The following DLGAP1 variants were observed in gnomAD, a reference collection of about 807,000 sequenced individuals.
DLGAP1 encodes the protein disks large-associated protein 1.
A neutral mutation model predicts 90.8 loss-of-function variants in DLGAP1; 11 were observed. The observed-to-expected ratio is 0.12, with a 90% CI of 0.08 to 0.20. DLGAP1 has a LOEUF of 0.20. Among genes scored for constraint, DLGAP1 ranks in the 10% least tolerant of loss-of-function variants. The pLI, the probability that DLGAP1 is intolerant of heterozygous loss-of-function variation, is 1.00. For missense variants in DLGAP1, 1,050 were observed against 1,333.8 expected (o/e 0.79, Z 3.31); for synonymous variants, 558 against 540.7 (o/e 1.03, Z -0.44).
chr18:3,765,391 A>G (rs1381160835), intron 5 of DLGAP1, among the ~76,000 whole-genome samples: 3 of 151,078 alleles, frequency 2.0e-5, no homozygotes, highest in Non-Finnish European at 3.0e-5. Context: ...TGGCCTCCCA[A>G]AGTGCTGGGA....
intron 1 of DLGAP1, among the ~76,000 whole-genome samples, chr18:4,306,329 C>T (rs1838448193): frequency 6.6e-6 from 1 of 151,830 alleles, no homozygotes; most frequent in Non-Finnish European, 1.5e-5. Context: ...AAGGAAGACC[C>T]ATGCTTTACT....
chr18:4,246,964 G>A (rs1374498930), intron 1 of DLGAP1, among the ~76,000 whole-genome samples: 1 of 152,132 alleles, frequency 6.6e-6, no homozygotes, highest in Non-Finnish European at 1.5e-5. Context: ...TGAGAGATAA[G>A]CTCTCTTATT....
At chr18:3,964,918 C>G (rs1599232207) in intron 3 of DLGAP1, among the ~76,000 whole-genome samples, 3 of 152,126 alleles carry the variant, frequency 2.0e-5, no homozygotes, top group Admixed American at 2.0e-4. Context: ...CTCTTGCATG[C>G]TTATAAAAGA....
At position 4,107,446 on chromosome 18, in the gene DLGAP1, C is replaced by T. The variant is rs58576739; in HGVS notation, c.-159+43734G>A. Among the ~76,000 whole-genome samples, 1,046 of 152,302 alleles carry T rather than the reference C, an allele frequency of 6.9e-3. 13 individuals are homozygous for T. The highest frequency in any genetic ancestry group is 0.024 in the African/African-American group (1,010 of 41,554). The stretch of plus-strand genomic sequence containing the variant: ...TGGCTCCCCTTTCCCTATCCTGCTT[C>T]CCAATGTACTTGTTCCCCATGACCC... On this transcript the variant is annotated intron_variant, in intron 2 of 12. Transcript: ENST00000315677.
chr18:4,267,525 A>T (rs1416571914), intron 1 of DLGAP1, among the ~76,000 whole-genome samples: 1 of 152,090 alleles, frequency 6.6e-6, no homozygotes, highest in Non-Finnish European at 1.5e-5. Context: ...AGTAATCATA[A>T]AATCTCATCT....
At chr18:3,745,264 ATTAG>A (rs1208078276) in intron 5 of DLGAP1, among the ~76,000 whole-genome samples, 2 of 152,234 alleles carry the variant, frequency 1.3e-5, no homozygotes, top group South Asian at 2.1e-4. Flanking sequence ...CAGTTCTAAA[ATTAG>A]TTATAGTGTT....
At position 3,803,957 on chromosome 18, in the gene DLGAP1, CATATATATATATATATATAT is replaced by C. The variant is rs33952757; in HGVS notation, c.1172+10082_1172+10101del. 3.3e-3 allele frequency among the ~76,000 whole-genome samples: 276 copies of C among 84,018 alleles called. 2 individuals are homozygous for C. Among genetic ancestry groups the C allele is most frequent in the Middle Eastern group, 0.015 (2 of 130 alleles). The allele number at this position is 84,018 out of a possible 152,430, so 55.1% of individuals were successfully genotyped here. On this transcript the variant is annotated intron_variant, in intron 5 of 12. Coordinates refer to ENST00000315677, the MANE Select transcript of DLGAP1 (RefSeq NM_004746.4). ...TTCTCTTCATTGGTTTATGTAGGTT[CATATATATATATATATATAT>C]ATATATATATATATATATATATATA...
At chr18:4,188,377 T>A (rs949253829) in intron 1 of DLGAP1, among the ~76,000 whole-genome samples, 1 of 152,134 alleles carries the variant, frequency 6.6e-6, no homozygotes, top group Non-Finnish European at 1.5e-5. Flanking sequence ...TAGGTATACG[T>A]TGTGCCATGG....
intron 1 of DLGAP1, among the ~76,000 whole-genome samples, chr18:4,260,375 G>A (rs113647174): frequency 6.6e-6 from 1 of 152,228 alleles, no homozygotes; most frequent in East Asian, 1.9e-4. Context: ...CCCAACCTGC[G>A]GAAGTATAAG....
chr18:4,170,693 A>G (rs371219735), intron 1 of DLGAP1, among the ~76,000 whole-genome samples: 11 of 152,348 alleles, frequency 7.2e-5, no homozygotes, highest in African/African-American at 2.6e-4. Flanking sequence ...GAGTGAAGCT[A>G]TCTATTAATA....
At chr18:3,534,693 T>TC (rs1568148732) in intron 9 of DLGAP1, 78 bp from the exon 10 acceptor site, 11 of 1,191,484 alleles carry the variant, frequency 9.2e-6, no homozygotes, top group Admixed American at 3.1e-5. Flanking sequence ...TTCCTTTCTT[T>TC]CTTTTTTTTT....
intron 1 of DLGAP1, among the ~76,000 whole-genome samples, chr18:4,432,761 T>C (rs1483967487): frequency 1.3e-5 from 2 of 152,100 alleles, no homozygotes; most frequent in Non-Finnish European, 2.9e-5. Context: ...CACCTCCCTA[T>C]TGCACTCCCC....
intron 9 of DLGAP1, among the ~76,000 whole-genome samples, chr18:3,555,710 T>C (rs893691178): frequency 6.6e-6 from 1 of 152,102 alleles, no homozygotes; most frequent in Non-Finnish European, 1.5e-5. Flanking sequence ...CTTAGGAGGC[T>C]GAGGCAGGAG....
intron 9 of DLGAP1, among the ~76,000 whole-genome samples, chr18:3,554,271 C>T (rs966384659): frequency 3.9e-5 from 6 of 152,162 alleles, no homozygotes; most frequent in African/African-American, 1.4e-4. Flanking sequence ...GGAGATGTTG[C>T]CAAGATTTGC....
intron 1 of DLGAP1, among the ~76,000 whole-genome samples, chr18:4,347,171 G>T (rs1356070714): frequency 6.6e-6 from 1 of 152,072 alleles, no homozygotes; most frequent in African/African-American, 2.4e-5. Context: ...AGTTTAAAGA[G>T]ATCAATTTCC....
intron 5 of DLGAP1, among the ~76,000 whole-genome samples, chr18:3,812,373 A>AT (rs199630283): frequency 0.038 from 5,659 of 146,996 alleles, 122 homozygotes; most frequent in South Asian, 0.074. Flanking sequence ...ATTTCCACGA[A>AT]TTTTTTTTTT....
At chr18:3,903,751 A>T (rs1019524680) in intron 3 of DLGAP1, among the ~76,000 whole-genome samples, 1 of 152,224 alleles carries the variant, frequency 6.6e-6, no homozygotes, top group Non-Finnish European at 1.5e-5. Context: ...AAGTGATAGT[A>T]CCATGAAAAA....
intron 1 of DLGAP1, among the ~76,000 whole-genome samples, chr18:4,177,628 C>T (rs1568435762): frequency 6.6e-6 from 1 of 152,136 alleles, no homozygotes; most frequent in Non-Finnish European, 1.5e-5. Context: ...TCCATCCACC[C>T]TCATGTAGGC....
chr18:3,886,644 G>A (rs977402065), intron 3 of DLGAP1, among the ~76,000 whole-genome samples: 1 of 152,024 alleles, frequency 6.6e-6, no homozygotes, highest in African/African-American at 2.4e-5. Context: ...TATCTCTCAA[G>A]TCAACTTTTT....
Sources: allele counts gnomAD v4.1 joint callset (sites outside exome capture counted in the v4.1 genomes callset), GRCh38; gene constraint gnomAD v4.1.1; transcripts MANE v1.5; gene names NCBI Gene and HGNC (gene_info 2026-07-23, HGNC 2026-07-21).